Variants in SLC2A13 observed in about 807,000 individuals in gnomAD.
SLC2A13 encodes proton myo-inositol cotransporter.
Under a neutral mutation model 64.4 loss-of-function variants are expected in SLC2A13, and 32 were observed. The observed-to-expected ratio is 0.50, with a 90% CI of 0.37 to 0.67. The LOEUF (loss-of-function observed/expected upper bound fraction) is 0.67. SLC2A13 is among the 30% of genes least tolerant of loss of function. The pLI, the probability that SLC2A13 is intolerant of heterozygous loss-of-function variation, is 0.00. For synonymous variants in SLC2A13, 338 were observed against 327.1 expected (o/e 1.03, Z -0.36); for missense variants, 743 against 829.2 (o/e 0.90, Z 1.28).
rs28370642 is a variant in SLC2A13, at chr12:39,994,506, A to T, written c.925+33795T>A. ...AAAAGGGAAAAAAAAACATACCCAT[A>T]TCACTACCACCATAATAACCAGAAA... is the stretch of plus-strand genomic sequence containing the variant. On this transcript the variant is annotated intron_variant, in intron 3 of 9. Coordinates refer to ENST00000280871, the MANE Select transcript of SLC2A13 (RefSeq NM_052885.4). Among the ~76,000 whole-genome samples the T allele has an allele frequency of 5.3e-3, 806 of 152,294 alleles. 5 individuals are homozygous for T. Among genetic ancestry groups the T allele is most frequent in the Non-Finnish European group, 8.1e-3 (548 of 68,024 alleles).
At chr12:39,797,988 CAA>C (rs1941639626) in intron 7 of SLC2A13, among the ~76,000 whole-genome samples, 1 of 152,070 alleles carries the variant, frequency 6.6e-6, no homozygotes, top group Non-Finnish European at 1.5e-5. Context: ...CTTGTGTAAC[CAA>C]TTTGATATTA....
chr12:40,052,411 G>A (rs145423239), intron 1 of SLC2A13, among the ~76,000 whole-genome samples: 1 of 152,038 alleles, frequency 6.6e-6, no homozygotes, highest in Non-Finnish European at 1.5e-5. Context: ...GCAAAAAAAG[G>A]GTGGAGAAAA....
intron 7 of SLC2A13, among the ~76,000 whole-genome samples, chr12:39,803,670 T>G (rs1486317478): frequency 6.6e-6 from 1 of 152,050 alleles, no homozygotes; most frequent in Non-Finnish European, 1.5e-5. Flanking sequence ...ACTGGATGAA[T>G]GATCTGAATA....
At chr12:39,836,231 G>A (rs929427497) in intron 6 of SLC2A13, among the ~76,000 whole-genome samples, 46 of 152,098 alleles carry the variant, frequency 3.0e-4, no homozygotes, top group African/African-American at 1.1e-3. Flanking sequence ...TTAGACAATA[G>A]CCAATGATGC....
At chr12:40,060,532 A>C (rs1948403159) in intron 1 of SLC2A13, among the ~76,000 whole-genome samples, 1 of 152,192 alleles carries the variant, frequency 6.6e-6, no homozygotes, top group South Asian at 2.1e-4. Flanking sequence ...TTTTAAATAC[A>C]AAAGTAGGAA....
chr12:40,078,515 G>A (rs756366896), intron 1 of SLC2A13, among the ~76,000 whole-genome samples: 9 of 152,214 alleles, frequency 5.9e-5, no homozygotes, highest in Non-Finnish European at 8.8e-5. Context: ...TTAGCTTTTC[G>A]ATGTGCTGCT....
At chr12:39,812,801 G>A (rs1037970839) in intron 7 of SLC2A13, among the ~76,000 whole-genome samples, 2 of 149,652 alleles carry the variant, frequency 1.3e-5, no homozygotes, top group Non-Finnish European at 3.0e-5. Flanking sequence ...GACTTTAGGG[G>A]GTGGGGGGAC....
intron 2 of SLC2A13, among the ~76,000 whole-genome samples, chr12:40,043,630 A>C (rs1464028463): frequency 6.6e-6 from 1 of 152,168 alleles, no homozygotes; most frequent in Non-Finnish European, 1.5e-5. Context: ...TATAATGCAA[A>C]TATATACATA....
chr12:39,828,763 T>C (rs1942763271), intron 7 of SLC2A13, among the ~76,000 whole-genome samples: 1 of 152,076 alleles, frequency 6.6e-6, no homozygotes, highest in African/African-American at 2.4e-5. Flanking sequence ...TTTAAAGCTG[T>C]GAACAAGTAC....
intron 3 of SLC2A13, among the ~76,000 whole-genome samples, chr12:40,013,020 A>G (rs766896439): frequency 2.6e-5 from 4 of 152,204 alleles, no homozygotes; most frequent in Non-Finnish European, 1.5e-5. Flanking sequence ...CATTTATATG[A>G]TCTTCAGACA....
intron 4 of SLC2A13, among the ~76,000 whole-genome samples, chr12:39,897,202 A>G (rs1304959355): frequency 6.6e-6 from 1 of 152,168 alleles, no homozygotes; most frequent in Non-Finnish European, 1.5e-5. Context: ...CATCCATGAA[A>G]AAAGAGGATT....
intron 4 of SLC2A13, among the ~76,000 whole-genome samples, chr12:39,941,074 C>CAT (rs1018357804): frequency 1.3e-4 from 19 of 151,694 alleles, no homozygotes; most frequent in African/African-American, 2.7e-4. Context: ...AGTATTCCAT[C>CAT]ATATATATAT....
chr12:39,981,503 G>A (rs1211197335), intron 3 of SLC2A13, among the ~76,000 whole-genome samples: 5 of 149,058 alleles, frequency 3.4e-5, no homozygotes, highest in Non-Finnish European at 6.0e-5. Context: ...TATCACCACC[G>A]ATCCCACAGA....
chr12:40,075,408 G>T (rs1565616045), intron 1 of SLC2A13, among the ~76,000 whole-genome samples: 1 of 152,170 alleles, frequency 6.6e-6, no homozygotes, highest in East Asian at 1.9e-4. Flanking sequence ...CCAGTTTTGG[G>T]GGTAGTGGTT....
chr12:39,890,444 A>C (rs189773120), intron 4 of SLC2A13, among the ~76,000 whole-genome samples: 1 of 152,356 alleles, frequency 6.6e-6, no homozygotes, highest in Non-Finnish European at 1.5e-5. Context: ...ATAGAATTAA[A>C]TGTTGCTCAT....
chr12:39,850,144 C>A (rs1358355100), intron 6 of SLC2A13, among the ~76,000 whole-genome samples: 10 of 152,062 alleles, frequency 6.6e-5, no homozygotes, highest in Non-Finnish European at 1.5e-4. Context: ...CCTTGGGAAG[C>A]CTTCCACAAT....
rs1051914721 is a variant in SLC2A13 at position 39,759,807 on chromosome 12, G to C, written c.*219C>G. On this transcript the variant is annotated 3_prime_UTR_variant, in exon 10 of 10. Coordinates refer to ENST00000280871, the MANE Select transcript of SLC2A13 (RefSeq NM_052885.4). ...ACACACATTTGCTTAAGAATTATTA[G>C]ATTAAAATCTCTGTAAATATTTTTT... The C allele has an allele frequency of 1.7e-5, 9 of 515,162 alleles. No homozygotes were observed. Among genetic ancestry groups the C allele is most frequent in the Non-Finnish European group, 3.1e-5 (9 of 291,826 alleles). 31.9% of individuals were successfully genotyped at this position (515,162 alleles called of 1,614,324 possible).
intron 3 of SLC2A13, among the ~76,000 whole-genome samples, chr12:40,024,827 G>T (rs1947777968): frequency 6.6e-6 from 1 of 152,116 alleles, no homozygotes; most frequent in Admixed American, 6.5e-5. Context: ...AGACCTTGGA[G>T]TTATTATAAT....
chr12:39,940,780 G>T (rs532579303), intron 4 of SLC2A13, among the ~76,000 whole-genome samples: 4 of 151,720 alleles, frequency 2.6e-5, no homozygotes, highest in African/African-American at 7.3e-5. Flanking sequence ...AACTTCTTTA[G>T]TGGTGATTTG....
Sources: gnomAD v4.1 joint callset for allele counts (sites outside exome capture counted in the v4.1 genomes callset) on GRCh38, gnomAD v4.1.1 for gene constraint, MANE v1.5 for transcripts, NCBI Gene and HGNC (gene_info 2026-07-23, HGNC 2026-07-21) for gene names.